Variants in CLASP1 observed in about 807,000 individuals in gnomAD.
CLASP1 encodes cytoplasmic linker associated protein 1.
A neutral mutation model predicts 192.3 loss-of-function variants in CLASP1; 38 were observed. The ratio of observed to expected loss-of-function variants is 0.20; its 90% CI spans 0.15 to 0.26. CLASP1 has a LOEUF of 0.26. Ranked by LOEUF, CLASP1 falls within the 10% of genes least tolerant of loss-of-function variation. CLASP1 has a pLI of 1.00. For missense variants in CLASP1, 1,433 were observed against 1,932.5 expected, an observed-to-expected ratio of 0.74 and a Z score of 4.85; for synonymous variants, 691 against 712.8, an observed-to-expected ratio of 0.97 and a Z score of 0.49.
At chr2:121,465,526 C>T (rs1448828557) in intron 9 of CLASP1, among the ~76,000 whole-genome samples, 1 of 152,082 alleles carries the variant, frequency 6.6e-6, no homozygotes, top group African/African-American at 2.4e-5. Context: ...AAAGAGGATA[C>T]AAAGAAATGG....
At chr2:121,492,763 C>G (rs1023376068) in intron 8 of CLASP1, among the ~76,000 whole-genome samples, 9 of 150,596 alleles carry the variant, frequency 6.0e-5, no homozygotes, top group African/African-American at 2.2e-4. Context: ...CTGTGGAAAA[C>G]AGTTTAGTGG....
intron 1 of CLASP1, among the ~76,000 whole-genome samples, chr2:121,621,111 C>T (rs746201241): frequency 3.3e-5 from 5 of 151,892 alleles, no homozygotes; most frequent in African/African-American, 7.3e-5. Flanking sequence ...CCCAGCCACT[C>T]GGGAGGCTAA....
rs533832693 is a variant in CLASP1 at position 121,526,545 on chromosome 2, T to G, written c.471-625A>C. On this transcript the variant is annotated intron_variant, in intron 5 of 39. Transcript: ENST00000263710. ...ATTCCTAAAACTGGAGCTACTGTGA[T>G]CAAAGGCTAGAAGTTTTCTTTTTTT... is the stretch of plus-strand genomic sequence containing the variant. 6.6e-5 allele frequency among the ~76,000 whole-genome samples: 10 copies of G among 152,334 alleles called. No individual in the cohort carries two copies. In the South Asian group the frequency reaches 1.4e-3, roughly 22 times the overall value.
intron 7 of CLASP1, among the ~76,000 whole-genome samples, chr2:121,506,870 A>C (rs967494596): frequency 1.5e-4 from 23 of 152,202 alleles, no homozygotes; most frequent in African/African-American, 5.5e-4. Context: ...TATAACAAAG[A>C]ACAAAGACTT....
At chr2:121,511,950 A>T (rs1027562178) in intron 7 of CLASP1, among the ~76,000 whole-genome samples, 6 of 152,270 alleles carry the variant, frequency 3.9e-5, no homozygotes, top group African/African-American at 1.4e-4. Flanking sequence ...AGCAAGTTAA[A>T]AATTTTAAAG....
intron 32 of CLASP1, among the ~76,000 whole-genome samples, chr2:121,384,106 ATG>A (rs1189256679): frequency 7.3e-6 from 1 of 136,446 alleles, no homozygotes; most frequent in East Asian, 2.0e-4. Context: ...ACACATATAT[ATG>A]TATATATATA....
At chr2:121,388,208 G>T in intron 30 of CLASP1, 1 of 226,094 alleles carries the variant, frequency 4.4e-6, no homozygotes, top group Admixed American at 5.3e-5. Context: ...TGGTTAAGTA[G>T]GTAAATGAAA....
At chr2:121,627,763 C>T (rs537939558) in intron 1 of CLASP1, among the ~76,000 whole-genome samples, 30 of 152,286 alleles carry the variant, frequency 2.0e-4, no homozygotes, top group African/African-American at 6.7e-4. Flanking sequence ...AGAAAGAGAA[C>T]TGAAATGAGG....
chr2:121,515,103 T>C lies in CLASP1; in HGVS notation c.644+562A>G, dbSNP rs562719399. Reference sequence around the variant, plus strand: ...TTATACATATCTGATCACTACATTATTTTAAAAATCTGGACTATAACAAAG... The same window carrying C: ...TTATACATATCTGATCACTACATTACTTTAAAAATCTGGACTATAACAAAG... On this transcript the variant is annotated intron_variant, in intron 7 of 39. Coordinates refer to ENST00000263710, the Ensembl canonical transcript of CLASP1. Among the ~76,000 whole-genome samples the C allele has an allele frequency of 5.7e-4, 87 of 152,356 alleles. 1 individual carries two copies. Among genetic ancestry groups the C allele is most frequent in the African/African-American group, 2.1e-3 (86 of 41,578 alleles).
At chr2:121,531,100 A>C (rs749601352) in intron 2 of CLASP1, 2 of 650,130 alleles carry the variant, frequency 3.1e-6, no homozygotes, top group South Asian at 1.6e-5. Flanking sequence ...AGGGTGCACA[A>C]GACGCGTGGT....
rs140444023 is a variant in CLASP1, at chr2:121,506,543, A to T, written c.645-3309T>A. ...GTAGAAATTGAGATGTCCACAGCAA[A>T]CTTTGAAAACACTGACATACTCCTG... is the stretch of plus-strand genomic sequence containing the variant. On this transcript the variant is annotated intron_variant, in intron 7 of 39. Transcript: ENST00000263710. 6.3e-3 allele frequency among the ~76,000 whole-genome samples: 953 copies of T among 152,252 alleles called. 13 individuals carry two copies. Among genetic ancestry groups the T allele is most frequent in the African/African-American group, 0.021 (885 of 41,548 alleles).
intron 2 of CLASP1, among the ~76,000 whole-genome samples, chr2:121,601,833 G>A (rs537913565): frequency 6.6e-6 from 1 of 152,168 alleles, no homozygotes; most frequent in South Asian, 2.1e-4. Context: ...ACAAAAATGA[G>A]TAGCATTTCT....
intron 39 of CLASP1, 81 bp from the exon 41 acceptor site, chr2:121,341,028 C>T: frequency 1.1e-6 from 1 of 925,394 alleles, no homozygotes; most frequent in Non-Finnish European, 1.7e-6. Context: ...TCCCAGGTGA[C>T]AGTAAGGAAA....
intron 2 of CLASP1, among the ~76,000 whole-genome samples, chr2:121,595,410 G>A (rs2063018193): frequency 6.6e-6 from 1 of 152,204 alleles, no homozygotes; most frequent in African/African-American, 2.4e-5. Context: ...AACATTAGCT[G>A]TTAATCATTA....
At chr2:121,572,514 T>C (rs1054425625) in intron 2 of CLASP1, among the ~76,000 whole-genome samples, 16 of 152,134 alleles carry the variant, frequency 1.1e-4, no homozygotes, top group African/African-American at 3.9e-4. Context: ...GGACAAAAAA[T>C]TATTATTTCA....
chr2:121,616,179 G>A (rs1042225100), intron 1 of CLASP1, among the ~76,000 whole-genome samples: 5 of 152,056 alleles, frequency 3.3e-5, no homozygotes, highest in South Asian at 2.1e-4. Flanking sequence ...AGGTGCGGTC[G>A]CTCACGCCTG....
intron 39 of CLASP1, 28 bp downstream of exon 40, chr2:121,347,010 G>GT: frequency 7.3e-7 from 1 of 1,377,378 alleles, no homozygotes; most frequent in South Asian, 1.3e-5. Flanking sequence ...CCAGGTGTGC[G>GT]TATCAGCCCA....
At chr2:121,581,918 C>T (rs191549001) in intron 2 of CLASP1, among the ~76,000 whole-genome samples, 1 of 151,956 alleles carries the variant, frequency 6.6e-6, no homozygotes, top group Non-Finnish European at 1.5e-5. Flanking sequence ...CACAGTGGCT[C>T]ATGACCGTAA....
chr2:121,492,389 CAAAAAAAA>C (rs761378692), intron 8 of CLASP1, among the ~76,000 whole-genome samples: 4,528 of 38,232 alleles, frequency 0.12, 133 homozygotes, highest in East Asian at 0.34. Flanking sequence ...ACTCCCTCTC[CAAAAAAAA>C]AAAAAAAAAA....
Sources: allele counts gnomAD v4.1 joint callset (sites outside exome capture counted in the v4.1 genomes callset), GRCh38; gene constraint gnomAD v4.1.1; transcripts MANE v1.5; gene names NCBI Gene and HGNC (gene_info 2026-07-23, HGNC 2026-07-21).